Variants in DLGAP2 observed in about 807,000 individuals in gnomAD.
DLGAP2 encodes the protein disks large-associated protein 2.
In DLGAP2, 26 loss-of-function variants were observed where a neutral mutation model predicts 100.3. The ratio of observed to expected loss-of-function variants is 0.26; its 90% CI spans 0.19 to 0.36. DLGAP2 has a LOEUF of 0.36. DLGAP2 is among the 10% of genes least tolerant of loss of function. DLGAP2 has a pLI of 1.00. For missense variants in DLGAP2, 1,858 were observed against 1,453.2 expected (o/e 1.28, Z -4.53); for synonymous variants, 886 against 630.1 (o/e 1.41, Z -6.08).
intron 6 of DLGAP2, among the ~76,000 whole-genome samples, chr8:1,572,699 G>A (rs1468012703): frequency 2.6e-5 from 3 of 114,130 alleles, no homozygotes; most frequent in Admixed American, 8.4e-5. Flanking sequence ...GGTGGACTGT[G>A]GGGGTGTCTG....
At chr8:1,022,801 C>T (rs1801667270) in intron 2 of DLGAP2, among the ~76,000 whole-genome samples, 1 of 151,778 alleles carries the variant, frequency 6.6e-6, no homozygotes, top group Admixed American at 6.6e-5. Context: ...ACTCCAGCCG[C>T]CACCCATCCC....
At chr8:1,326,243 GC>G (rs1452905540) in intron 3 of DLGAP2, among the ~76,000 whole-genome samples, 2 of 152,186 alleles carry the variant, frequency 1.3e-5, no homozygotes, top group Non-Finnish European at 2.9e-5. Context: ...AAATAAAAGG[GC>G]ATTTAACTTG....
chr8:996,135 C>T (rs550966145), intron 2 of DLGAP2, among the ~76,000 whole-genome samples: 2 of 152,302 alleles, frequency 1.3e-5, no homozygotes, highest in South Asian at 2.1e-4. Context: ...AGGGACCACT[C>T]CCCTCTGTTC....
intron 2 of DLGAP2, among the ~76,000 whole-genome samples, chr8:1,179,602 A>G (rs1422624039): frequency 6.6e-6 from 1 of 152,250 alleles, no homozygotes; most frequent in Non-Finnish European, 1.5e-5. Flanking sequence ...TTAACTCTCC[A>G]AGTTGCCTTT....
rs1245766526 is a variant in DLGAP2, at chr8:1,033,797, A to G, written c.73+125831A>G. On this transcript the variant is annotated intron_variant, in intron 2 of 14. Coordinates refer to ENST00000637795, the MANE Select transcript of DLGAP2 (RefSeq NM_001346810.2). ...CGAGTGGGTTCACACGCTCATCCCG[A>G]CCCCGCGTGTCACCGCGAGTGGATT... Among the ~76,000 whole-genome samples the G allele has an allele frequency of 1.6e-4, 20 of 125,778 alleles. No individual in the cohort carries two copies. The East Asian group carries it at 1.7e-3, about 11-fold the overall frequency. 82.5% of individuals were successfully genotyped at this position (125,778 alleles called of 152,430 possible).
At chr8:1,102,633 A>T (rs762696236) in intron 2 of DLGAP2, among the ~76,000 whole-genome samples, 4 of 152,120 alleles carry the variant, frequency 2.6e-5, no homozygotes, top group African/African-American at 4.8e-5. Context: ...TTATCTCCCC[A>T]CTGGGCCTGT....
At chr8:1,683,884 G>A (rs1343502811) in intron 12 of DLGAP2, among the ~76,000 whole-genome samples, 7 of 108,316 alleles carry the variant, frequency 6.5e-5, no homozygotes, top group South Asian at 3.3e-4. Context: ...GTGTGTGTGT[G>A]TGTGTGTGTG....
intron 3 of DLGAP2, among the ~76,000 whole-genome samples, chr8:1,326,813 T>C (rs1019800600): frequency 1.3e-5 from 2 of 152,274 alleles, no homozygotes; most frequent in East Asian, 3.8e-4. Flanking sequence ...ATGACTCTGA[T>C]TTATCCCATT....
chr8:1,581,828 AC>A (rs1227652961), intron 6 of DLGAP2, among the ~76,000 whole-genome samples: 4 of 151,840 alleles, frequency 2.6e-5, no homozygotes, highest in Admixed American at 2.6e-4. Flanking sequence ...CAGTCAAACT[AC>A]CAGAAGTGAA....
intron 1 of DLGAP2, among the ~76,000 whole-genome samples, chr8:839,171 A>G (rs909990121): frequency 1.3e-5 from 2 of 152,100 alleles, no homozygotes; most frequent in African/African-American, 2.4e-5. Context: ...TGAAAACAGT[A>G]TGCAGGTTCC....
chr8:1,638,096 C>T (rs1171602201), intron 8 of DLGAP2, among the ~76,000 whole-genome samples: 1 of 152,168 alleles, frequency 6.6e-6, no homozygotes, highest in African/African-American at 2.4e-5. Flanking sequence ...GAGGGACATC[C>T]ATGCTGCACC....
At chr8:1,451,174 G>A (rs1798149038) in intron 3 of DLGAP2, among the ~76,000 whole-genome samples, 1 of 152,098 alleles carries the variant, frequency 6.6e-6, no homozygotes, top group Admixed American at 6.5e-5. Context: ...TGCCAGTGCT[G>A]CTGCATGCAG....
chr8:1,357,880 T>A (rs763946917), intron 3 of DLGAP2, among the ~76,000 whole-genome samples: 3 of 152,164 alleles, frequency 2.0e-5, no homozygotes, highest in Non-Finnish European at 2.9e-5. Context: ...CAGCTGCCCC[T>A]GCACCTGCAT....
At chr8:982,970 G>T (rs1463642563) in intron 2 of DLGAP2, among the ~76,000 whole-genome samples, 1 of 147,416 alleles carries the variant, frequency 6.8e-6, no homozygotes, top group African/African-American at 2.5e-5. Flanking sequence ...TGCCAAATGC[G>T]TATATCTGCT....
At chr8:1,297,099 C>G (rs949617900) in intron 3 of DLGAP2, 1 of 152,264 alleles carries the variant, frequency 6.6e-6, no homozygotes, top group African/African-American at 2.4e-5. Flanking sequence ...CGCTGTTCCT[C>G]TTCTCCCTCT....
chr8:1,092,002 G>C (rs1804200028), intron 2 of DLGAP2, among the ~76,000 whole-genome samples: 1 of 152,158 alleles, frequency 6.6e-6, no homozygotes, highest in African/African-American at 2.4e-5. Flanking sequence ...GTTCAGTAGT[G>C]ACAATGGAAC....
At chr8:1,244,137 T>C (rs62487825) in intron 2 of DLGAP2, among the ~76,000 whole-genome samples, 26,802 of 152,202 alleles carry the variant, frequency 0.18, 2,591 homozygotes, top group South Asian at 0.27. Context: ...CTCCCAGGTG[T>C]GGGCTCCTGT....
Position 1,116,646 on chromosome 8 carries a change from C to T in DLGAP2, c.74-142205C>T, listed in dbSNP as rs537280044. ...CCCCATCTCTACAAAAAAATAAAAA[C>T]AGTTAGCCACACGTGGTGGCATGCC... On this transcript the variant is annotated intron_variant, in intron 2 of 14. Transcript: ENST00000637795. Among the ~76,000 whole-genome samples, 3 of 152,112 alleles carry T rather than the reference C, an allele frequency of 2.0e-5. No individual in the cohort carries two copies. The South Asian group carries it at 6.2e-4, about 32-fold the overall frequency.
At chr8:1,041,545 T>C (rs1802347554) in intron 2 of DLGAP2, among the ~76,000 whole-genome samples, 2 of 150,238 alleles carry the variant, frequency 1.3e-5, no homozygotes, top group Admixed American at 6.6e-5. Flanking sequence ...TGGGTGAGTG[T>C]TCTCCGAACC....
Sources: allele counts gnomAD v4.1 joint callset (sites outside exome capture counted in the v4.1 genomes callset), GRCh38; gene constraint gnomAD v4.1.1; transcripts MANE v1.5; gene names NCBI Gene and HGNC (gene_info 2026-07-23, HGNC 2026-07-21).